CNTN4: variants seen among roughly 807,000 people sequenced by gnomAD.
CNTN4 encodes contactin 4.
A neutral mutation model predicts 122.5 loss-of-function variants in CNTN4; 77 were observed. That is an observed-to-expected ratio of 0.63 (90% CI 0.52 to 0.76). CNTN4 has a LOEUF of 0.76. CNTN4 is among the 30% of genes least tolerant of loss of function. The pLI is 0.00. For synonymous variants in CNTN4, 512 were observed against 447.0 expected, an observed-to-expected ratio of 1.15 and a Z score of -1.83; for missense variants, 1,256 against 1,259.1, an observed-to-expected ratio of 1.00 and a Z score of 0.04.
At chr3:2,353,250 A>C (rs1297171573) in intron 3 of CNTN4, among the ~76,000 whole-genome samples, 2 of 151,940 alleles carry the variant, frequency 1.3e-5, no homozygotes, top group Non-Finnish European at 2.9e-5. Context: ...ACCAATCAGC[A>C]CTCTGTGTCT....
At chr3:2,435,987 T>G (rs2048244977) in intron 3 of CNTN4, among the ~76,000 whole-genome samples, 1 of 152,214 alleles carries the variant, frequency 6.6e-6, no homozygotes, top group Non-Finnish European at 1.5e-5. Flanking sequence ...AAAAACTGTT[T>G]ATATCTCTAT....
rs114955702 is a variant in CNTN4, at chr3:2,561,397, G to C, written c.-88-10019G>C. Among the ~76,000 whole-genome samples, 1,147 of 152,228 alleles carry C rather than the reference G, an allele frequency of 7.5e-3. 21 individuals are homozygous for C. The highest frequency in any genetic ancestry group is 0.034 in the Admixed American group (514 of 15,290). On this transcript the variant is annotated intron_variant, in intron 3 of 24. Coordinates refer to ENST00000418658, the MANE Select transcript of CNTN4 (RefSeq NM_175607.3). ...TGCAAAGTTTACTTCCCAGTACCCA[G>C]AAAGCATGGGAAAGAGCAGGGTTTC...
At chr3:2,245,978 A>G (rs1452731620) in intron 2 of CNTN4, among the ~76,000 whole-genome samples, 1 of 152,006 alleles carries the variant, frequency 6.6e-6, no homozygotes, top group African/African-American at 2.4e-5. Flanking sequence ...CTGTGTGCAC[A>G]CATGCGTGCT....
intron 4 of CNTN4, among the ~76,000 whole-genome samples, chr3:2,674,725 T>C (rs930937776): frequency 6.6e-6 from 1 of 151,180 alleles, no homozygotes; most frequent in Admixed American, 6.6e-5. Flanking sequence ...GCCACAGCAC[T>C]CCAGTCTGGG....
chr3:3,042,924 G>A, intron 21 of CNTN4, 53 bp from the exon 22 acceptor site: 1 of 1,443,240 alleles, frequency 6.9e-7, no homozygotes, highest in Non-Finnish European at 9.7e-7. Context: ...TGATGACATT[G>A]CAAATATCCC....
Position 3,030,460 on chromosome 3 carries a change from G to A in CNTN4, c.1663-395G>A, listed in dbSNP as rs114962539. Among the ~76,000 whole-genome samples, 697 of 152,242 alleles carry A rather than the reference G, an allele frequency of 4.6e-3. 5 individuals are homozygous for A. The highest frequency in any genetic ancestry group is 0.016 in the African/African-American group (647 of 41,538). ...TACTTCCAAATGTGGGCTTGCTTCC[G>A]TTTTCCAAATACAGAGTTCTAAAGT... is the stretch of plus-strand genomic sequence containing the variant. On this transcript the variant is annotated intron_variant, in intron 15 of 24. Transcript: ENST00000418658.
Position 2,484,547 on chromosome 3 carries a change from G to T in CNTN4, c.-88-86869G>T, listed in dbSNP as rs1179001955. On this transcript the variant is annotated intron_variant, in intron 3 of 24. Coordinates refer to ENST00000418658, the MANE Select transcript of CNTN4 (RefSeq NM_175607.3). Reference sequence around the variant, plus strand: ...TAAAGGAAATACTGGCTCCTATAGGGGATGAGGCTTGTAAACCAGGGTGAC... The same window carrying T: ...TAAAGGAAATACTGGCTCCTATAGGTGATGAGGCTTGTAAACCAGGGTGAC... 3.3e-5 allele frequency among the ~76,000 whole-genome samples: 5 copies of T among 152,286 alleles called. No individual in the cohort carries two copies. In the East Asian group the frequency reaches 9.6e-4, roughly 29 times the overall value.
intron 4 of CNTN4, among the ~76,000 whole-genome samples, chr3:2,631,682 G>A (rs561024239): frequency 2.0e-5 from 3 of 151,438 alleles, no homozygotes; most frequent in African/African-American, 7.3e-5. Flanking sequence ...TATGCCTTAG[G>A]TAAAGTAAAA....
chr3:2,670,063 T>C (rs2084412655), intron 4 of CNTN4, among the ~76,000 whole-genome samples: 1 of 152,246 alleles, frequency 6.6e-6, no homozygotes, highest in African/African-American at 2.4e-5. Flanking sequence ...GAAGAATGTA[T>C]ATTCTGTTGA....
intron 4 of CNTN4, among the ~76,000 whole-genome samples, chr3:2,580,661 C>A (rs1350755610): frequency 6.6e-6 from 1 of 152,106 alleles, no homozygotes; most frequent in Admixed American, 6.5e-5. Context: ...TTCATTTAGT[C>A]CTTGTGAGTC....
At chr3:2,726,414 C>T (rs2088225816) in intron 4 of CNTN4, among the ~76,000 whole-genome samples, 1 of 152,188 alleles carries the variant, frequency 6.6e-6, no homozygotes, top group Non-Finnish European at 1.5e-5. Context: ...GGATTTTAGT[C>T]TATCCAAACC....
intron 4 of CNTN4, among the ~76,000 whole-genome samples, chr3:2,594,040 G>A (rs953652043): frequency 1.3e-5 from 2 of 152,090 alleles, no homozygotes; most frequent in African/African-American, 4.8e-5. Context: ...TGACTTATTT[G>A]AGAACAGCAT....
At chr3:2,545,849 C>G (rs1224472806) in intron 3 of CNTN4, among the ~76,000 whole-genome samples, 1 of 151,710 alleles carries the variant, frequency 6.6e-6, no homozygotes, top group African/African-American at 2.4e-5. Flanking sequence ...CTTTTAATTC[C>G]AAGGACATGA....
intron 3 of CNTN4, among the ~76,000 whole-genome samples, chr3:2,569,084 G>A (rs952276428): frequency 6.6e-6 from 1 of 152,178 alleles, no homozygotes; most frequent in Non-Finnish European, 1.5e-5. Flanking sequence ...TGTCAGAAGA[G>A]TATCTGAACA....
At chr3:2,326,906 T>C (rs183965439) in intron 2 of CNTN4, among the ~76,000 whole-genome samples, 3 of 152,308 alleles carry the variant, frequency 2.0e-5, no homozygotes, top group Admixed American at 2.0e-4. Context: ...CCTATCCTCT[T>C]ACTAGTTGAC....
chr3:2,825,777 A>G (rs1559547836), intron 7 of CNTN4, among the ~76,000 whole-genome samples: 1 of 152,168 alleles, frequency 6.6e-6, no homozygotes. Context: ...ATGGCTTCCC[A>G]GAGTATATTT....
At chr3:3,000,062 A>T (rs1162801484) in intron 14 of CNTN4, among the ~76,000 whole-genome samples, 1 of 152,188 alleles carries the variant, frequency 6.6e-6, no homozygotes, top group Non-Finnish European at 1.5e-5. Flanking sequence ...ATAGTGATAA[A>T]ATATAAAGAT....
At chr3:2,572,684 C>G (rs1465212359) in intron 4 of CNTN4, among the ~76,000 whole-genome samples, 2 of 152,176 alleles carry the variant, frequency 1.3e-5, no homozygotes, top group African/African-American at 4.8e-5. Context: ...ATCACCATTA[C>G]TTTGATGTAT....
At chr3:2,853,190 AAAAG>A (rs201602784) in intron 7 of CNTN4, among the ~76,000 whole-genome samples, 41 of 141,726 alleles carry the variant, frequency 2.9e-4, no homozygotes, top group South Asian at 6.6e-4. Context: ...CGGAAAAAAA[AAAAG>A]AACAGTGTCC....
Sources: allele counts gnomAD v4.1 joint callset (sites outside exome capture counted in the v4.1 genomes callset), GRCh38; gene constraint gnomAD v4.1.1; transcripts MANE v1.5; gene names NCBI Gene and HGNC (gene_info 2026-07-23, HGNC 2026-07-21).